HTR7: variants seen among roughly 807,000 people sequenced by gnomAD.
The protein encoded by HTR7 is 5-hydroxytryptamine receptor 7.
Under a neutral mutation model 34.0 loss-of-function variants are expected in HTR7, and 16 were observed. That is an observed-to-expected ratio of 0.47 (90% CI 0.32 to 0.71). The LOEUF (loss-of-function observed/expected upper bound fraction) is 0.71. HTR7 is among the 30% of genes least tolerant of loss of function. The probability of loss-of-function intolerance (pLI) is 0.04; values close to 1 mark genes in which losing one functional copy is unlikely to be tolerated. For synonymous variants in HTR7, 265 were observed against 260.2 expected (o/e 1.02, Z -0.18); for missense variants, 504 against 625.5 (o/e 0.81, Z 2.07).
intron 1 of HTR7, among the ~76,000 whole-genome samples, chr10:90,823,601 G>T (rs890321387): frequency 2.6e-5 from 4 of 152,264 alleles, no homozygotes; most frequent in Admixed American, 2.0e-4. Flanking sequence ...AAGACTCTGG[G>T]GGACTGTTGG....
chr10:90,741,819 T>C lies in HTR7; in HGVS notation c.*663A>G, dbSNP rs1252221741. 1 of 152,654 alleles carries C rather than the reference T, an allele frequency of 6.6e-6. No homozygotes were observed. Among genetic ancestry groups the C allele is most frequent in the Non-Finnish European group, 1.5e-5 (1 of 68,050 alleles). The allele number at this position is 152,654 out of a possible 1,614,324, so 9.5% of individuals were successfully genotyped here. ...ACGAGAAAAAGCTTTGCTCATGTTG[T>C]ATGCTTCTCTCCATCCTGAGACCTG... is the stretch of plus-strand genomic sequence containing the variant. On this transcript the variant is annotated 3_prime_UTR_variant, in exon 4 of 4. Coordinates refer to ENST00000336152, the MANE Select transcript of HTR7 (RefSeq NM_019859.4).
At chr10:90,799,390 C>G (rs974347046) in intron 1 of HTR7, among the ~76,000 whole-genome samples, 1 of 151,840 alleles carries the variant, frequency 6.6e-6, no homozygotes, top group East Asian at 1.9e-4. Context: ...TGAAGAGATC[C>G]CCAGGTGATT....
rs768673251 is a variant in HTR7, at chr10:90,749,504, G to A, written c.630C>T (p.Ser210=). ...AGAGTGGAGGTAAGGTGATGGAGGC[G>A]GAGAGAAGCCAGACGGAGAGAATCA... is the stretch of plus-strand genomic sequence containing the variant. ...AKMILSVWLL[S]ASITLPPLFG... Residue 210 remains serine (S), a synonymous_variant, in exon 2 of 4, where the codon TCC becomes TCT. Transcript: ENST00000336152. The surrounding 1 kb of genome is among the most constrained non-coding windows in gnomAD (Gnocchi z 4.2). 1.2e-5 allele frequency: 20 copies of A among 1,613,998 alleles called. No homozygotes were observed. Among genetic ancestry groups the A allele is most frequent in the Admixed American group, 5.0e-5 (3 of 60,004 alleles).
At chr10:90,851,605 A>AG (rs1491555880) in intron 1 of HTR7, among the ~76,000 whole-genome samples, 4 of 44,118 alleles carry the variant, frequency 9.1e-5, no homozygotes, top group Admixed American at 8.6e-4. Flanking sequence ...ACTCCGTCCC[A>AG]AAAAAAAAAA....
At chr10:90,745,962 A>G (rs568870855) in intron 2 of HTR7, among the ~76,000 whole-genome samples, 1 of 152,342 alleles carries the variant, frequency 6.6e-6, no homozygotes, top group Admixed American at 6.5e-5. Flanking sequence ...GACTAGCTAA[A>G]GATACAAAGG....
rs1846590792 is a variant in HTR7, at chr10:90,857,001, G to A, written c.539+132C>T. 1 of 782,610 alleles carries A rather than the reference G, an allele frequency of 1.3e-6. No homozygotes were observed. The highest frequency in any genetic ancestry group is 2.0e-6 in the Non-Finnish European group (1 of 494,714). The allele number at this position is 782,610 out of a possible 1,614,324, so 48.5% of individuals were successfully genotyped here. On this transcript the variant is annotated intron_variant, in intron 1 of 3. Coordinates refer to ENST00000336152, the MANE Select transcript of HTR7 (RefSeq NM_019859.4). The surrounding 1 kb of genome is among the most constrained non-coding windows in gnomAD (Gnocchi z 6.5). ...GTTGGTGTAGGGTGGATTGGGGGGA[G>A]CGGTGTTTTAAGCGCAGCCCTTCAT...
chr10:90,838,897 A>ATG (rs551274919), intron 1 of HTR7, among the ~76,000 whole-genome samples: 23 of 152,158 alleles, frequency 1.5e-4, no homozygotes, highest in Admixed American at 3.3e-4. Flanking sequence ...TAACAAATTA[A>ATG]TGTGTGTGTG....
intron 1 of HTR7, among the ~76,000 whole-genome samples, chr10:90,829,524 C>T (rs552754483): frequency 6.6e-6 from 1 of 152,164 alleles, no homozygotes; most frequent in East Asian, 1.9e-4. Context: ...TCCCCTAGCC[C>T]CCCACCCTGA....
intron 1 of HTR7, among the ~76,000 whole-genome samples, chr10:90,849,955 G>T (rs1846473367): frequency 6.6e-6 from 1 of 152,234 alleles, no homozygotes; most frequent in African/African-American, 2.4e-5. Context: ...TTGTGCAGCT[G>T]CTCTTTCCCT....
chr10:90,834,846 G>T (rs917970332), intron 1 of HTR7, among the ~76,000 whole-genome samples: 2 of 152,182 alleles, frequency 1.3e-5, no homozygotes, highest in East Asian at 1.9e-4. Context: ...ATTCTGTGTA[G>T]GAAGGGGTGC....
rs193030334 is a variant in HTR7 at position 90,823,244 on chromosome 10, G to A, written c.539+33889C>T. ...TCAACACCAGCCCATAAAAGCAGCC[G>A]AGGGGGCTATACCCTGCAGATACAC... is the stretch of plus-strand genomic sequence containing the variant. On this transcript the variant is annotated intron_variant, in intron 1 of 3. Coordinates refer to ENST00000336152, the MANE Select transcript of HTR7 (RefSeq NM_019859.4). 2.1e-4 allele frequency among the ~76,000 whole-genome samples: 32 copies of A among 152,296 alleles called. No homozygotes were observed. The East Asian group carries it at 4.6e-3, about 22-fold the overall frequency.
In HTR7 at chr10:90,749,294, T is replaced by C. The variant is rs1225863500; in HGVS notation, c.840A>G (p.Arg280=). 3.7e-6 allele frequency: 6 copies of C among 1,614,144 alleles called. No homozygotes were observed. In the Admixed American group the frequency reaches 8.3e-5, roughly 22 times the overall value. ...AAKHKFPGFP[R]VEPDSVIALN... ...GGGCGATGACGCTGTCTGGCTCCAC[T>C]CGAGGGAAGCCAGGAAACTTGTGTT... Residue 280 remains arginine (R), a synonymous_variant, in exon 2 of 4, where the codon CGA becomes CGG. Coordinates refer to ENST00000336152, the MANE Select transcript of HTR7 (RefSeq NM_019859.4). The surrounding 1 kb of genome is among the most constrained non-coding windows in gnomAD (Gnocchi z 4.2).
chr10:90,761,334 C>A (rs1354804806), intron 1 of HTR7, among the ~76,000 whole-genome samples: 10 of 151,894 alleles, frequency 6.6e-5, no homozygotes, highest in Non-Finnish European at 1.5e-4. Flanking sequence ...TTTATTTTTT[C>A]TTTTTGGACT....
At chr10:90,820,206 GA>G (rs1845957044) in intron 1 of HTR7, among the ~76,000 whole-genome samples, 1 of 152,170 alleles carries the variant, frequency 6.6e-6, no homozygotes, top group Non-Finnish European at 1.5e-5. Flanking sequence ...GAGTCAGGCT[GA>G]AAAGAGATAA....
chr10:90,763,815 A>G (rs1409545158), intron 1 of HTR7, among the ~76,000 whole-genome samples: 2 of 152,174 alleles, frequency 1.3e-5, no homozygotes, highest in Admixed American at 6.5e-5. Flanking sequence ...TTATGGCTGC[A>G]TAGTATTCCA....
intron 1 of HTR7, among the ~76,000 whole-genome samples, chr10:90,828,924 T>A (rs7080463): frequency 0.38 from 57,337 of 150,614 alleles, 11,913 homozygotes; most frequent in African/African-American, 0.57. Flanking sequence ...GTTGAAAATT[T>A]AAAAAAAAGA....
intron 1 of HTR7, among the ~76,000 whole-genome samples, chr10:90,774,995 T>C (rs1845183476): frequency 6.6e-6 from 1 of 152,206 alleles, no homozygotes; most frequent in Non-Finnish European, 1.5e-5. Flanking sequence ...AGGGACTGCC[T>C]AAAGAAAATA....
At chr10:90,835,354 T>C (rs1333435297) in intron 1 of HTR7, among the ~76,000 whole-genome samples, 1 of 152,142 alleles carries the variant, frequency 6.6e-6, no homozygotes, top group African/African-American at 2.4e-5. Context: ...AGTGTCCTCA[T>C]AAATCACATA....
chr10:90,776,196 C>T (rs1015920596), intron 1 of HTR7, among the ~76,000 whole-genome samples: 2 of 152,038 alleles, frequency 1.3e-5, no homozygotes, highest in Non-Finnish European at 2.9e-5. Flanking sequence ...GCTCTTTGTT[C>T]CCCCAGTCTG....
Sources: gnomAD v4.1 joint callset for allele counts (sites outside exome capture counted in the v4.1 genomes callset) on GRCh38, gnomAD v4.1.1 for gene constraint, Gnocchi (gnomAD v3.1) non-coding constraint, MANE v1.5 for transcripts, NCBI Gene and HGNC (gene_info 2026-07-23, HGNC 2026-07-21) for gene names.